HECW2: variants seen among roughly 807,000 people sequenced by gnomAD.
The protein encoded by HECW2 is HECT, C2 and WW domain containing E3 ubiquitin protein ligase 2.
HECW2 carries 61 observed loss-of-function variants against 175.2 expected under a neutral mutation model. That is an observed-to-expected ratio of 0.35 (90% confidence interval 0.28 to 0.43). The LOEUF (loss-of-function observed/expected upper bound fraction) is 0.43. HECW2 is among the 20% of genes least tolerant of loss of function. The pLI is 1.00. For missense variants in HECW2, 1,524 were observed against 2,000.5 expected, an observed-to-expected ratio of 0.76 and a Z score of 4.54; for synonymous variants, 671 against 731.0, an observed-to-expected ratio of 0.92 and a Z score of 1.32.
At chr2:196,552,758 A>G (rs989487175) in intron 1 of HECW2, among the ~76,000 whole-genome samples, 5 of 152,104 alleles carry the variant, frequency 3.3e-5, no homozygotes, top group African/African-American at 1.2e-4. Context: ...ATTTGGTTCC[A>G]TTAGATTTTA....
At chr2:196,519,070 T>C (rs1688251997) in intron 1 of HECW2, among the ~76,000 whole-genome samples, 1 of 152,230 alleles carries the variant, frequency 6.6e-6, no homozygotes, top group African/African-American at 2.4e-5. Flanking sequence ...TAATAATAGC[T>C]AGCATATGTG....
intron 1 of HECW2, among the ~76,000 whole-genome samples, chr2:196,530,315 G>T (rs556793287): frequency 1.2e-4 from 19 of 152,294 alleles, no homozygotes; most frequent in African/African-American, 4.6e-4. Context: ...ATGTTATGAA[G>T]CTCAGGCCTG....
At chr2:196,565,083 A>G (rs1368517330) in intron 1 of HECW2, among the ~76,000 whole-genome samples, 2 of 152,058 alleles carry the variant, frequency 1.3e-5, no homozygotes, top group African/African-American at 2.4e-5. Context: ...CTTTTGCCCA[A>G]TGCTCCCCAC....
At chr2:196,278,065 C>G (rs1424950019) in intron 15 of HECW2, among the ~76,000 whole-genome samples, 1 of 139,424 alleles carries the variant, frequency 7.2e-6, no homozygotes, top group Non-Finnish European at 1.5e-5. Context: ...CAACATGGCA[C>G]ATGTATACAA....
At chr2:196,390,843 T>C (rs1694487866) in intron 2 of HECW2, among the ~76,000 whole-genome samples, 1 of 152,218 alleles carries the variant, frequency 6.6e-6, no homozygotes, top group Non-Finnish European at 1.5e-5. Flanking sequence ...ATGGGCTACG[T>C]ACTTAGACAC....
rs1158595373 is a variant in HECW2 at position 196,195,084 on chromosome 2, C to A, written c.*6193G>T. The A allele has an allele frequency of 3.3e-5, 5 of 152,126 alleles. No individual in the cohort carries two copies. The highest frequency in any genetic ancestry group is 7.4e-5 in the Non-Finnish European group (5 of 68,000). The allele number at this position is 152,126 out of a possible 1,614,324, so 9.4% of individuals were successfully genotyped here. On this transcript the variant is annotated 3_prime_UTR_variant, in exon 29 of 29. Coordinates refer to ENST00000644978, the MANE Select transcript of HECW2 (RefSeq NM_001348768.2). The stretch of plus-strand genomic sequence containing the variant: ...GCACTTTCCAACATATTAACAGCCC[C>A]AAATTTTACTTATGCTATCATATAA...
chr2:196,438,296 A>T (rs1272788756), intron 1 of HECW2, among the ~76,000 whole-genome samples: 1 of 152,240 alleles, frequency 6.6e-6, no homozygotes, highest in Non-Finnish European at 1.5e-5. Flanking sequence ...GTGTAATTTA[A>T]AATTTTCTAG....
At chr2:196,589,315 T>C (rs1406089441) in intron 1 of HECW2, among the ~76,000 whole-genome samples, 1 of 152,194 alleles carries the variant, frequency 6.6e-6, no homozygotes, top group East Asian at 1.9e-4. Flanking sequence ...TAACATCCAC[T>C]GGCCAACATA....
At chr2:196,305,634 T>C (rs1011591128) in intron 13 of HECW2, among the ~76,000 whole-genome samples, 1 of 152,202 alleles carries the variant, frequency 6.6e-6, no homozygotes, top group African/African-American at 2.4e-5. Context: ...TTATTAATTA[T>C]GTATTGTTCA....
intron 19 of HECW2, among the ~76,000 whole-genome samples, chr2:196,247,985 A>G (rs766641644): frequency 6.6e-6 from 1 of 152,234 alleles, no homozygotes; most frequent in African/African-American, 2.4e-5. Context: ...GAGTGAATGA[A>G]AACAAAACAT....
intron 1 of HECW2, among the ~76,000 whole-genome samples, chr2:196,494,027 T>C (rs565054977): frequency 1.3e-5 from 2 of 152,334 alleles, no homozygotes; most frequent in Admixed American, 1.3e-4. Flanking sequence ...AAGGATTCAG[T>C]AATGTCTCAC....
At chr2:196,478,934 C>T (rs1035828757) in intron 1 of HECW2, among the ~76,000 whole-genome samples, 2 of 152,136 alleles carry the variant, frequency 1.3e-5, no homozygotes, top group East Asian at 3.8e-4. Flanking sequence ...AAAGAAGAGG[C>T]CAAGCGGCAC....
At chr2:196,284,700 A>T (rs1026512058) in intron 14 of HECW2, among the ~76,000 whole-genome samples, 6 of 152,226 alleles carry the variant, frequency 3.9e-5, no homozygotes, top group African/African-American at 1.4e-4. Flanking sequence ...TCCCACAGGA[A>T]ATGCTACCTA....
chr2:196,375,667 T>A lies in HECW2; in HGVS notation c.293-31903A>T, dbSNP rs530913004. 2.6e-4 allele frequency among the ~76,000 whole-genome samples: 40 copies of A among 152,282 alleles called. 1 individual carries two copies. The highest frequency in any genetic ancestry group is 2.4e-3 in the Admixed American group (37 of 15,306). ...GTGGGAACACAACAGTGGAAAAAGA[T>A]GTGGATATTGGTATCATGCAATGGC... On this transcript the variant is annotated intron_variant, in intron 2 of 28. Transcript: ENST00000644978.
intron 2 of HECW2, among the ~76,000 whole-genome samples, chr2:196,362,419 G>T (rs1418558035): frequency 6.6e-6 from 1 of 150,426 alleles, no homozygotes; most frequent in Non-Finnish European, 1.5e-5. Context: ...TGCAATCCCA[G>T]AAAGGGGAGC....
chr2:196,463,634 T>C (rs892223803), intron 1 of HECW2, among the ~76,000 whole-genome samples: 1 of 152,230 alleles, frequency 6.6e-6, no homozygotes, highest in African/African-American at 2.4e-5. Flanking sequence ...TATAATATTG[T>C]ATTTTATATT....
intron 2 of HECW2, among the ~76,000 whole-genome samples, chr2:196,426,875 T>C (rs112807277): frequency 0.032 from 4,857 of 152,270 alleles, 156 homozygotes; most frequent in Non-Finnish European, 0.04. Context: ...TTTGGTTTAC[T>C]ATTGCAATCT....
intron 2 of HECW2, among the ~76,000 whole-genome samples, chr2:196,407,183 T>C (rs1384420526): frequency 6.6e-6 from 1 of 151,890 alleles, no homozygotes; most frequent in African/African-American, 2.4e-5. Context: ...ATACTTAGGT[T>C]TATGTGGCAG....
intron 2 of HECW2, among the ~76,000 whole-genome samples, chr2:196,409,893 G>A (rs191194240): frequency 6.6e-6 from 1 of 152,262 alleles, no homozygotes; most frequent in Non-Finnish European, 1.5e-5. Context: ...TCCCTTGAAG[G>A]GAGAGACTGC....
Sources: allele counts gnomAD v4.1 joint callset (sites outside exome capture counted in the v4.1 genomes callset), GRCh38; gene constraint gnomAD v4.1.1; transcripts MANE v1.5; gene names NCBI Gene and HGNC (gene_info 2026-07-23, HGNC 2026-07-21).